The following FAM184A variants were observed in gnomAD, a reference collection of about 807,000 sequenced individuals.
FAM184A encodes the protein family with sequence similarity 184 member A.
A neutral mutation model predicts 143.8 loss-of-function variants in FAM184A; 99 were observed. The observed-to-expected ratio is 0.69, with a 90% CI of 0.58 to 0.81. The LOEUF is 0.81. Among genes scored for constraint, FAM184A ranks in the 40% least tolerant of loss-of-function variants. The pLI, the probability that FAM184A is intolerant of heterozygous loss-of-function variation, is 0.00. For missense variants in FAM184A, 1,217 were observed against 1,310.5 expected (o/e 0.93, Z 1.10); for synonymous variants, 427 against 446.4 (o/e 0.96, Z 0.55).
intron 1 of FAM184A, among the ~76,000 whole-genome samples, chr6:119,107,427 T>A (rs1179686806): frequency 2.0e-5 from 3 of 152,062 alleles, no homozygotes; most frequent in Non-Finnish European, 4.4e-5. Context: ...TAAGAGGAGC[T>A]TTTATTAGCA....
intron 5 of FAM184A, among the ~76,000 whole-genome samples, chr6:119,012,592 T>C (rs1186721091): frequency 1.3e-5 from 2 of 152,238 alleles, no homozygotes; most frequent in African/African-American, 2.4e-5. Flanking sequence ...GGAAAGCTCA[T>C]GAGAGACTTA....
At chr6:119,120,806 CT>C (rs1789188899) in intron 1 of FAM184A, among the ~76,000 whole-genome samples, 1 of 134,636 alleles carries the variant, frequency 7.4e-6, no homozygotes, top group Non-Finnish European at 1.5e-5. Flanking sequence ...GATGGTTTTT[CT>C]CTTTCTTTCT....
chr6:119,034,041 T>TATATAGAG (rs1409214932), intron 1 of FAM184A, among the ~76,000 whole-genome samples: 4 of 42,008 alleles, frequency 9.5e-5, no homozygotes, highest in African/African-American at 3.2e-4. Context: ...TATATATATA[T>TATATAGAG]AGAGAGAGAG....
At chr6:119,072,368 A>G (rs1787718176) in intron 1 of FAM184A, among the ~76,000 whole-genome samples, 1 of 152,238 alleles carries the variant, frequency 6.6e-6, no homozygotes, top group African/African-American at 2.4e-5. Context: ...AAAGAAAAAG[A>G]GATGCTGCAT....
Position 118,985,737 on chromosome 6 carries a change from G to GT in FAM184A, c.2089-5388dup. Among the ~76,000 whole-genome samples, 2 of 152,194 alleles carry GT rather than the reference G, an allele frequency of 1.3e-5. 1 individual carries two copies. The highest frequency in any genetic ancestry group is 1.3e-4 in the Admixed American group (2 of 15,286). On this transcript the variant is annotated intron_variant, in intron 9 of 17. Coordinates refer to ENST00000338891, the MANE Select transcript of FAM184A (RefSeq NM_024581.6). ...GATGAATTATGACTGGGACAAGAAA[G>GT]TAATCTAATTCTAAAGTATTAACTC...
intron 15 of FAM184A, among the ~76,000 whole-genome samples, chr6:118,965,200 TG>T (rs1431414404): frequency 1.9e-5 from 1 of 51,866 alleles, no homozygotes; most frequent in Non-Finnish European, 3.7e-5. Context: ...AAGTTTTTTT[TG>T]TTTGTTTTTT....
At chr6:119,005,958 G>T in intron 7 of FAM184A, 1 of 589,448 alleles carries the variant, frequency 1.7e-6, no homozygotes, top group Non-Finnish European at 3.1e-6. Flanking sequence ...GTTGAACTGG[G>T]TCCCCAAAAA....
intron 11 of FAM184A, 107 bp downstream of exon 11, chr6:118,979,258 T>G (rs1394382724): frequency 9.3e-7 from 1 of 1,071,492 alleles, no homozygotes; most frequent in African/African-American, 1.6e-5. Flanking sequence ...GATATTCATT[T>G]TGACGTTTCA....
At chr6:119,138,583 C>T (rs1463611710) in intron 1 of FAM184A, among the ~76,000 whole-genome samples, 6 of 151,468 alleles carry the variant, frequency 4.0e-5, no homozygotes, top group Non-Finnish European at 8.8e-5. Context: ...TCTCCTTCCT[C>T]GCTCTTTCAC....
chr6:119,092,942 C>A (rs898581171), intron 1 of FAM184A, among the ~76,000 whole-genome samples: 6 of 152,296 alleles, frequency 3.9e-5, no homozygotes, highest in East Asian at 1.9e-4. Context: ...TCTATTATCA[C>A]AAATCTCTAG....
At chr6:119,057,644 G>A (rs1001666705) in intron 1 of FAM184A, among the ~76,000 whole-genome samples, 21 of 152,152 alleles carry the variant, frequency 1.4e-4, no homozygotes, top group African/African-American at 5.1e-4. Flanking sequence ...CGGGGGAGCT[G>A]AAGCAGGAGG....
chr6:119,118,305 AGTT>A (rs1200935602), intron 1 of FAM184A, among the ~76,000 whole-genome samples: 1 of 152,218 alleles, frequency 6.6e-6, no homozygotes, highest in Non-Finnish European at 1.5e-5. Context: ...GATCTCCTAA[AGTT>A]GTTGTCAGTA....
chr6:118,980,257 G>T lies in FAM184A; in HGVS notation c.2182C>A (p.Arg728=). Residue 728 remains arginine, a synonymous_variant, in exon 10 of 18, where the codon CGG becomes AGG. Transcript: ENST00000338891. The part of the protein sequence containing the change: ...LQAQFTQERQ[R]LTQELEELEE... ...AATTCTTCAAGCTCTTGCGTAAGCCGCTGTCGTTCTTGCGTAAACTGGGCT... is the reference window on the plus strand; with the variant it reads ...AATTCTTCAAGCTCTTGCGTAAGCCTCTGTCGTTCTTGCGTAAACTGGGCT... 1 of 1,614,048 alleles carries T rather than the reference G, an allele frequency of 6.2e-7. No individual in the cohort carries two copies. Among genetic ancestry groups the T allele is most frequent in the Non-Finnish European group, 8.5e-7 (1 of 1,179,976 alleles).
chr6:118,991,539 TG>T (rs1784376148), intron 9 of FAM184A, among the ~76,000 whole-genome samples: 1 of 152,012 alleles, frequency 6.6e-6, no homozygotes, highest in Admixed American at 6.6e-5. Context: ...AAAGAGTACC[TG>T]GCAAGTGGAT....
chr6:119,136,007 G>A (rs1191708084), intron 1 of FAM184A, among the ~76,000 whole-genome samples: 1 of 150,508 alleles, frequency 6.6e-6, no homozygotes, highest in Non-Finnish European at 1.5e-5. Context: ...GGCCGGGCGC[G>A]GTGGCTCACG....
chr6:118,987,951 AAT>A (rs1784244169), intron 9 of FAM184A, among the ~76,000 whole-genome samples: 1 of 152,204 alleles, frequency 6.6e-6, no homozygotes, highest in African/African-American at 2.4e-5. Flanking sequence ...CCATACACAA[AAT>A]ATATCTTATT....
upstream of FAM184A, among the ~76,000 whole-genome samples, chr6:119,082,727 G>A (rs1562143257): frequency 6.6e-6 from 1 of 152,220 alleles, no homozygotes; most frequent in Non-Finnish European, 1.5e-5. Context: ...TGGCTCTGCA[G>A]GATGCAGCCC....
intron 14 of FAM184A, among the ~76,000 whole-genome samples, chr6:118,969,367 AAAATAT>A (rs1364232725): frequency 2.6e-5 from 4 of 152,240 alleles, no homozygotes; most frequent in African/African-American, 9.6e-5. Flanking sequence ...ATTAAATAGG[AAAATAT>A]AATTGATTAA....
chr6:119,144,743 TC>T (rs1772366220), intron 1 of FAM184A, among the ~76,000 whole-genome samples: 1 of 152,210 alleles, frequency 6.6e-6, no homozygotes, highest in African/African-American at 2.4e-5. Flanking sequence ...GTAGCAGAGC[TC>T]TGGCTAAGAA....
Sources: gnomAD v4.1 joint callset for allele counts (sites outside exome capture counted in the v4.1 genomes callset) on GRCh38, gnomAD v4.1.1 for gene constraint, MANE v1.5 for transcripts, NCBI Gene and HGNC (gene_info 2026-07-23, HGNC 2026-07-21) for gene names.